CNTN5: variants seen among roughly 807,000 people sequenced by gnomAD.
The protein encoded by CNTN5 is contactin-5.
In CNTN5, 77 loss-of-function variants were observed where a neutral mutation model predicts 129.1. The ratio of observed to expected loss-of-function variants is 0.60; its 90% confidence interval spans 0.50 to 0.72. CNTN5 has a LOEUF of 0.72. Ranked by LOEUF, CNTN5 falls within the 30% of genes least tolerant of loss-of-function variation. The pLI is 0.00. For missense variants in CNTN5, 1,478 were observed against 1,328.8 expected, an observed-to-expected ratio of 1.11 and a Z score of -1.75; for synonymous variants, 509 against 465.6, an observed-to-expected ratio of 1.09 and a Z score of -1.20.
At chr11:99,467,033 C>A (rs760179157) in intron 2 of CNTN5, among the ~76,000 whole-genome samples, 33 of 152,100 alleles carry the variant, frequency 2.2e-4, no homozygotes, top group Non-Finnish European at 5.9e-5. Context: ...GGATATCTGA[C>A]AATGTCTTTA....
chr11:100,173,021 G>A (rs1001830680), intron 13 of CNTN5, among the ~76,000 whole-genome samples: 32 of 151,940 alleles, frequency 2.1e-4, no homozygotes, highest in African/African-American at 7.7e-4. Flanking sequence ...AGGTAGGGGA[G>A]GTCAGATAAA....
intron 8 of CNTN5, among the ~76,000 whole-genome samples, 197 bp downstream of exon 8, chr11:99,957,206 C>A (rs949978940): frequency 6.6e-6 from 1 of 152,036 alleles, no homozygotes. Flanking sequence ...ATTGATGATC[C>A]ATGGTTGAGA....
At chr11:99,399,530 A>T (rs1941690779) in intron 2 of CNTN5, among the ~76,000 whole-genome samples, 2 of 151,820 alleles carry the variant, frequency 1.3e-5, no homozygotes, top group Admixed American at 1.3e-4. Context: ...CACATTATCT[A>T]AAGATAAGAG....
At chr11:99,770,437 A>G (rs570343026) in intron 3 of CNTN5, among the ~76,000 whole-genome samples, 41 of 152,196 alleles carry the variant, frequency 2.7e-4, no homozygotes, top group African/African-American at 9.1e-4. Context: ...TGCATTTAAT[A>G]AAGTTAGTAT....
At chr11:99,446,101 A>AC (rs376584709) in intron 2 of CNTN5, among the ~76,000 whole-genome samples, 1 of 149,138 alleles carries the variant, frequency 6.7e-6, no homozygotes, top group Non-Finnish European at 1.5e-5. Flanking sequence ...AAAAAAAAAA[A>AC]CAACCAAACT....
chr11:99,109,066 G>A (rs1483865192), intron 1 of CNTN5, among the ~76,000 whole-genome samples: 1 of 151,382 alleles, frequency 6.6e-6, no homozygotes, highest in Non-Finnish European at 1.5e-5. Context: ...TATACACATA[G>A]TGTATGTACA....
chr11:99,634,926 C>T (rs532672406), intron 3 of CNTN5, among the ~76,000 whole-genome samples: 16 of 152,134 alleles, frequency 1.1e-4, no homozygotes, highest in African/African-American at 2.2e-4. Flanking sequence ...GAACTCTCAC[C>T]GGTGTAATTA....
intron 1 of CNTN5, among the ~76,000 whole-genome samples, chr11:99,158,537 T>C (rs973356835): frequency 1.1e-4 from 17 of 152,330 alleles, no homozygotes; most frequent in Admixed American, 3.9e-4. Flanking sequence ...TTTGACTGTT[T>C]AATTTTTTTG....
intron 1 of CNTN5, among the ~76,000 whole-genome samples, chr11:99,096,674 T>C (rs1298401028): frequency 6.6e-6 from 1 of 151,838 alleles, no homozygotes; most frequent in Non-Finnish European, 1.5e-5. Context: ...ATTTTTTATA[T>C]CTTCTTTACT....
chr11:99,731,417 T>A (rs1448648660), intron 3 of CNTN5, among the ~76,000 whole-genome samples: 1 of 152,162 alleles, frequency 6.6e-6, no homozygotes, highest in African/African-American at 2.4e-5. Flanking sequence ...TAGTTAACTC[T>A]CTTTGTCATG....
intron 3 of CNTN5, among the ~76,000 whole-genome samples, chr11:99,711,522 T>C (rs1252159721): frequency 6.6e-6 from 1 of 152,022 alleles, no homozygotes; most frequent in Non-Finnish European, 1.5e-5. Context: ...GGGGTACATA[T>C]GCATAATGTG....
chr11:99,715,671 G>A (rs1955188620), intron 3 of CNTN5, among the ~76,000 whole-genome samples: 1 of 151,870 alleles, frequency 6.6e-6, no homozygotes, highest in African/African-American at 2.4e-5. Context: ...TTATAACATG[G>A]TATATCATCA....
At chr11:100,284,437 G>A (rs184696589) in intron 18 of CNTN5, among the ~76,000 whole-genome samples, 20 of 152,238 alleles carry the variant, frequency 1.3e-4, no homozygotes, top group Non-Finnish European at 2.6e-4. Context: ...TTTGAAATCT[G>A]TTAATATCAT....
rs572033808 is a variant in CNTN5 at position 99,309,360 on chromosome 11, C to A, written c.-209-15986C>A. On this transcript the variant is annotated intron_variant, in intron 1 of 24. Coordinates refer to ENST00000524871, the MANE Select transcript of CNTN5 (RefSeq NM_014361.4). ...TGATGCTGAAGAGTCCCACTGTTAG[C>A]TTTGTTAAGATAGTCCTGTATTAGT... Among the ~76,000 whole-genome samples, 24 of 152,202 alleles carry A rather than the reference C, an allele frequency of 1.6e-4. 1 individual carries two copies. In the South Asian group the frequency reaches 5.0e-3, roughly 32 times the overall value.
chr11:100,028,147 CAG>C (rs1941521673), intron 9 of CNTN5, among the ~76,000 whole-genome samples: 4 of 151,908 alleles, frequency 2.6e-5, no homozygotes. Context: ...GAGTTTAAAA[CAG>C]AAACAGTAAA....
chr11:99,484,455 C>T (rs546697906), intron 2 of CNTN5, among the ~76,000 whole-genome samples: 30 of 151,958 alleles, frequency 2.0e-4, no homozygotes, highest in East Asian at 7.7e-4. Flanking sequence ...ACAGCCACTA[C>T]GGAGAATAGC....
chr11:99,933,635 C>T (rs1377805759), intron 7 of CNTN5, among the ~76,000 whole-genome samples: 1 of 152,140 alleles, frequency 6.6e-6, no homozygotes, highest in African/African-American at 2.4e-5. Flanking sequence ...GAGATTCAGG[C>T]ATGTTGCTGA....
chr11:99,277,360 T>C (rs1407274111), intron 1 of CNTN5, among the ~76,000 whole-genome samples: 1 of 151,598 alleles, frequency 6.6e-6, no homozygotes, highest in Non-Finnish European at 1.5e-5. Flanking sequence ...TTTGATGTCT[T>C]TATATAGTCA....
At chr11:99,078,849 G>A (rs532279336) in intron 1 of CNTN5, among the ~76,000 whole-genome samples, 4 of 152,128 alleles carry the variant, frequency 2.6e-5, no homozygotes, top group African/African-American at 9.6e-5. Flanking sequence ...TAAAAATATA[G>A]TGAGAATGAA....
Sources: allele counts gnomAD v4.1 joint callset (sites outside exome capture counted in the v4.1 genomes callset), GRCh38; gene constraint gnomAD v4.1.1; transcripts MANE v1.5; gene names NCBI Gene and HGNC (gene_info 2026-07-23, HGNC 2026-07-21).